ATP1A2: variants seen among roughly 807,000 people sequenced by gnomAD.
ATP1A2 encodes the protein sodium/potassium-transporting ATPase subunit alpha-2.
ATP1A2 carries 56 observed loss-of-function variants against 113.1 expected under a neutral mutation model. That is an observed-to-expected ratio of 0.49 (90% CI 0.40 to 0.62). The LOEUF (loss-of-function observed/expected upper bound fraction) is 0.62, where lower values mean the gene tolerates loss of function less well. Among genes scored for constraint, ATP1A2 ranks in the 20% least tolerant of loss-of-function variants. The probability of loss-of-function intolerance (pLI) is 0.00; values close to 1 mark genes in which losing one functional copy is unlikely to be tolerated. For synonymous variants in ATP1A2, 490 were observed against 526.8 expected, an observed-to-expected ratio of 0.93 and a Z score of 0.96; for missense variants, 712 against 1,357.8, an observed-to-expected ratio of 0.52 and a Z score of 7.47.
Position 160,130,608 on chromosome 1 carries a change from C to T in ATP1A2, c.1827+11C>T. The T allele has an allele frequency of 1.2e-6, 2 of 1,614,054 alleles. 1 individual carries two copies. Among genetic ancestry groups the T allele is most frequent in the South Asian group, 2.2e-5 (2 of 91,074 alleles). ...AGCGCAGGCATCAAGGTACTGGCCT[C>T]CCATCCTCCCCTCCATTCTAGCCTC... On this transcript the variant is annotated intron_variant, in intron 13 of 22. Transcript: ENST00000361216.
intron 1 of ATP1A2, among the ~76,000 whole-genome samples, chr1:160,118,481 A>G (rs1651261035): frequency 6.6e-6 from 1 of 152,144 alleles, no homozygotes; most frequent in African/African-American, 2.4e-5. Flanking sequence ...CAATCCACTC[A>G]ATTAAATGAA....
At chr1:160,118,149 C>T (rs1423836039) in intron 1 of ATP1A2, among the ~76,000 whole-genome samples, 2 of 152,236 alleles carry the variant, frequency 1.3e-5, no homozygotes, top group Admixed American at 1.3e-4. Context: ...GGAGGCACTG[C>T]GTGGAGCTGC....
At chr1:160,121,500 A>C (rs1651397179) in intron 3 of ATP1A2, among the ~76,000 whole-genome samples, 1 of 152,204 alleles carries the variant, frequency 6.6e-6, no homozygotes, top group Non-Finnish European at 1.5e-5. Flanking sequence ...CCTATGACCC[A>C]GGCCCCAGAG....
At chr1:160,125,040 A>G (rs1399231365) in intron 6 of ATP1A2, 96 bp from the exon 7 acceptor site, 3 of 951,492 alleles carry the variant, frequency 3.2e-6, no homozygotes, top group East Asian at 2.4e-5. Flanking sequence ...TCCTCGTGTC[A>G]TGAAGATTGA....
rs1652160406 is a variant in ATP1A2, at chr1:160,141,793, ACC to A, written c.*472_*473del. 1 of 204,826 alleles carries A rather than the reference ACC, an allele frequency of 4.9e-6. No individual in the cohort carries two copies. Among genetic ancestry groups the A allele is most frequent in the Admixed American group, 5.1e-5 (1 of 19,768 alleles). The allele number at this position is 204,826 out of a possible 1,614,324, so 12.7% of individuals were successfully genotyped here. ...ACTCTATCCCTGGCTTCCCCTTCAG[ACC>A]TTGCAATCACAAAAGGTTCTTCTGG... On this transcript the variant is annotated 3_prime_UTR_variant, in exon 23 of 23. Transcript: ENST00000361216.
At chr1:160,134,756 G>T (rs1181778537) in intron 14 of ATP1A2, 136 bp downstream of exon 14, 2 of 1,318,282 alleles carry the variant, frequency 1.5e-6, no homozygotes, top group African/African-American at 2.9e-5. Context: ...ATTGTGACTG[G>T]TTCCTCAGCC....
intron 13 of ATP1A2, among the ~76,000 whole-genome samples, chr1:160,132,075 C>A (rs548416204): frequency 1.6e-4 from 24 of 152,128 alleles, no homozygotes; most frequent in African/African-American, 5.8e-4. Flanking sequence ...GAGAACTGGA[C>A]GATGTTTGAC....
At position 160,139,759 on chromosome 1, in the gene ATP1A2, G is replaced by A. The variant is rs761586473; in HGVS notation, c.2942+18G>A. On this transcript the variant is annotated intron_variant, in intron 21 of 22. Coordinates refer to ENST00000361216, the MANE Select transcript of ATP1A2 (RefSeq NM_000702.4). ...CCGCTCAAGTGAGTGTCTCTTTCGG[G>A]CGGCCTGAGTAGTCATACGGGGGGC... The A allele has an allele frequency of 6.2e-7, 1 of 1,614,014 alleles. No homozygotes were observed. The highest frequency in any genetic ancestry group is 1.1e-5 in the South Asian group (1 of 91,078).
chr1:160,139,853 A>C, intron 21 of ATP1A2, 40 bp from the exon 22 acceptor site: 3 of 1,612,508 alleles, frequency 1.9e-6, no homozygotes, highest in Non-Finnish European at 1.7e-6. Flanking sequence ...CCACCAAGCC[A>C]ACCTCTGATG....
intron 1 of ATP1A2, among the ~76,000 whole-genome samples, chr1:160,119,796 G>T (rs1480405487): frequency 6.8e-6 from 1 of 147,396 alleles, no homozygotes; most frequent in African/African-American, 2.5e-5. Context: ...AGGATCACTT[G>T]AGCCCAGGCA....
At chr1:160,140,407 GT>G (rs886373018) in intron 22 of ATP1A2, among the ~76,000 whole-genome samples, 186 of 152,230 alleles carry the variant, frequency 1.2e-3, no homozygotes, top group African/African-American at 4.3e-3. Context: ...ACAAGTTATT[GT>G]TTTTCCTACA....
chr1:160,128,428 T>G (rs1651653478), intron 8 of ATP1A2: 1 of 1,348,392 alleles, frequency 7.4e-7, no homozygotes. Context: ...TCTCTGGAGC[T>G]CTAGTCAAAC....
chr1:160,136,079 C>T (rs1383181897), intron 17 of ATP1A2, 86 bp downstream of exon 17: 1 of 1,609,448 alleles, frequency 6.2e-7, no homozygotes, highest in African/African-American at 1.3e-5. Flanking sequence ...GGGCAGTGGC[C>T]CCAGCTGTGG....
intron 20 of ATP1A2, 129 bp downstream of exon 20, chr1:160,137,160 C>A (rs755801556): frequency 1.2e-4 from 171 of 1,468,856 alleles, no homozygotes; most frequent in Non-Finnish European, 1.5e-4. Context: ...AATCTTCCAT[C>A]TGTATATCCA....
chr1:160,122,270 C>T (rs574699091), intron 3 of ATP1A2, among the ~76,000 whole-genome samples: 1 of 152,232 alleles, frequency 6.6e-6, no homozygotes, highest in East Asian at 1.9e-4. Flanking sequence ...TTCTATCTGG[C>T]ACTAATATGT....
chr1:160,139,161 G>C (rs1320941443), intron 20 of ATP1A2, among the ~76,000 whole-genome samples: 1 of 152,162 alleles, frequency 6.6e-6, no homozygotes, highest in African/African-American at 2.4e-5. Flanking sequence ...ATTATGCAGT[G>C]ATCCCCTTTA....
chr1:160,116,025 G>A, intron 1 of ATP1A2, 152 bp downstream of exon 1: 1 of 1,329,832 alleles, frequency 7.5e-7, no homozygotes, highest in East Asian at 2.5e-5. Context: ...AACTACCAAT[G>A]TGTGTACAGA....
intron 3 of ATP1A2, among the ~76,000 whole-genome samples, chr1:160,122,516 G>A (rs1208627883): frequency 6.6e-6 from 1 of 152,062 alleles, no homozygotes; most frequent in Non-Finnish European, 1.5e-5. Flanking sequence ...AATATGGTGA[G>A]TGCAGCTCTA....
intron 13 of ATP1A2, among the ~76,000 whole-genome samples, chr1:160,132,701 C>T (rs1266263965): frequency 1.3e-5 from 2 of 151,994 alleles, no homozygotes; most frequent in African/African-American, 4.8e-5. Flanking sequence ...CTTAAAGAGT[C>T]TATAAGATAC....
Sources: gnomAD v4.1 joint callset for allele counts (sites outside exome capture counted in the v4.1 genomes callset) on GRCh38, gnomAD v4.1.1 for gene constraint, MANE v1.5 for transcripts, NCBI Gene and HGNC (gene_info 2026-07-23, HGNC 2026-07-21) for gene names.